The following RPH3A variants were observed in gnomAD, a reference collection of about 807,000 sequenced individuals.
RPH3A encodes rabphilin 3A.
A neutral mutation model predicts 102.2 loss-of-function variants in RPH3A; 48 were observed. The observed-to-expected ratio is 0.47, with a 90% CI of 0.37 to 0.60. The LOEUF is 0.60. Ranked by LOEUF, RPH3A falls within the 20% of genes least tolerant of loss-of-function variation. The probability of loss-of-function intolerance (pLI) is 0.00; values close to 1 mark genes in which losing one functional copy is unlikely to be tolerated. For synonymous variants in RPH3A, 310 were observed against 324.3 expected (o/e 0.96, Z 0.47); for missense variants, 781 against 910.1 (o/e 0.86, Z 1.83).
At chr12:112,717,244 T>C (rs958965133) in intron 1 of RPH3A, among the ~76,000 whole-genome samples, 13 of 152,190 alleles carry the variant, frequency 8.5e-5, no homozygotes, top group African/African-American at 3.1e-4. Context: ...GAATGCATAG[T>C]GACGTAACCA....
chr12:112,756,218 G>A (rs759683708), intron 1 of RPH3A, among the ~76,000 whole-genome samples: 5 of 151,382 alleles, frequency 3.3e-5, no homozygotes, highest in African/African-American at 9.7e-5. Context: ...CACACATCAC[G>A]CTTTTTTTTT....
At chr12:112,755,910 T>C (rs1565871150) in intron 1 of RPH3A, among the ~76,000 whole-genome samples, 1 of 152,202 alleles carries the variant, frequency 6.6e-6, no homozygotes, top group Non-Finnish European at 1.5e-5. Flanking sequence ...TAATATGTCA[T>C]GTAAATCTTT....
At chr12:112,609,540 G>C (rs1317897960) in intron 1 of RPH3A, among the ~76,000 whole-genome samples, 1 of 152,100 alleles carries the variant, frequency 6.6e-6, no homozygotes, top group African/African-American at 2.4e-5. Context: ...AGCCGTCCTG[G>C]ATTCCTTCCA....
At chr12:112,825,197 C>G (rs765216987) in intron 2 of RPH3A, among the ~76,000 whole-genome samples, 1 of 152,158 alleles carries the variant, frequency 6.6e-6, no homozygotes, top group South Asian at 2.1e-4. Context: ...GGAGCTGTCT[C>G]TCCTTTCTGT....
intron 1 of RPH3A, among the ~76,000 whole-genome samples, chr12:112,628,347 A>C (rs1334559074): frequency 6.6e-6 from 1 of 151,866 alleles, no homozygotes; most frequent in Non-Finnish European, 1.5e-5. Flanking sequence ...GTGGTGGAGC[A>C]AGTAAGGAGA....
Position 112,836,488 on chromosome 12 carries a change from C to A in RPH3A, c.72-3C>A. The A allele has an allele frequency of 7.5e-7, 1 of 1,335,376 alleles. No homozygotes were observed. Among genetic ancestry groups the A allele is most frequent in the Non-Finnish European group, 1.0e-6 (1 of 970,154 alleles). 82.7% of individuals were successfully genotyped at this position (1,335,376 alleles called of 1,614,324 possible). ...TTTCTCTCCTTTCTCTGCCTTCCTTCAGTGATAAAGAACAGTGAGTATTTT... is the reference window on the plus strand; with the variant it reads ...TTTCTCTCCTTTCTCTGCCTTCCTTAAGTGATAAAGAACAGTGAGTATTTT... On this transcript the variant is annotated splice_polypyrimidine_tract_variant and splice_region_variant and intron_variant, in intron 3 of 21. Coordinates refer to ENST00000389385, the MANE Select transcript of RPH3A (RefSeq NM_001143854.2).
intron 4 of RPH3A, among the ~76,000 whole-genome samples, chr12:112,841,706 G>GTTTT (rs150878418): frequency 1.5e-4 from 22 of 145,118 alleles, no homozygotes; most frequent in African/African-American, 5.2e-4. Context: ...TTGTTTTTTT[G>GTTTT]GTTTTTTTTT....
intron 1 of RPH3A, among the ~76,000 whole-genome samples, chr12:112,618,268 T>G (rs2039696338): frequency 6.6e-6 from 1 of 151,462 alleles, no homozygotes. Flanking sequence ...TGCAGGGGCT[T>G]CTTCTCCCTC....
At chr12:112,639,385 T>A (rs540827588) in intron 1 of RPH3A, among the ~76,000 whole-genome samples, 112 of 152,158 alleles carry the variant, frequency 7.4e-4, no homozygotes, top group African/African-American at 2.7e-3. Flanking sequence ...CCTTAGCAAC[T>A]AACACAGGAA....
intron 1 of RPH3A, among the ~76,000 whole-genome samples, chr12:112,734,669 A>T (rs2040656027): frequency 6.6e-6 from 1 of 152,140 alleles, no homozygotes; most frequent in African/African-American, 2.4e-5. Context: ...CAAGGGGTGG[A>T]TTATTCGTGA....
intron 3 of RPH3A, chr12:112,831,623 G>T: frequency 1.6e-5 from 4 of 255,998 alleles, no homozygotes; most frequent in East Asian, 1.2e-4. Flanking sequence ...CTGAATCTTG[G>T]TGCTTCTTGG....
chr12:112,723,413 A>C lies in RPH3A; in HGVS notation c.-139-68730A>C, dbSNP rs1477782797. Among the ~76,000 whole-genome samples, 3 of 152,252 alleles carry C rather than the reference A, an allele frequency of 2.0e-5. No individual in the cohort carries two copies. The East Asian group carries it at 5.8e-4, about 29-fold the overall frequency. On this transcript the variant is annotated intron_variant, in intron 1 of 21. Coordinates refer to the RPH3A transcript ENST00000543106. ...CTAGTACTATACTGTATTGATCTAT[A>C]CTGTAAGTTTACATAGTCTGTTTAC...
chr12:112,755,414 T>TA (rs1315116246), intron 1 of RPH3A, among the ~76,000 whole-genome samples: 3 of 152,156 alleles, frequency 2.0e-5, no homozygotes, highest in African/African-American at 7.2e-5. Flanking sequence ...CCTAATCCTT[T>TA]ACTCTCTGAT....
At chr12:112,732,808 T>A (rs547604788) in intron 1 of RPH3A, among the ~76,000 whole-genome samples, 1 of 152,308 alleles carries the variant, frequency 6.6e-6, no homozygotes, top group South Asian at 2.1e-4. Flanking sequence ...GGCTCTGCAG[T>A]TGACATAGTT....
intron 1 of RPH3A, among the ~76,000 whole-genome samples, chr12:112,751,120 A>T (rs1592979515): frequency 6.6e-6 from 1 of 152,226 alleles, no homozygotes; most frequent in Non-Finnish European, 1.5e-5. Context: ...CCAATGAATC[A>T]CTTTATTATT....
At chr12:112,798,576 G>A (rs936680420) in intron 2 of RPH3A, among the ~76,000 whole-genome samples, 8 of 152,124 alleles carry the variant, frequency 5.3e-5, no homozygotes, top group African/African-American at 1.7e-4. Context: ...CTCGAAGTTC[G>A]TTGGGAGGCT....
rs181279334 is a variant in RPH3A, at chr12:112,692,570, A to G, written c.-139-99573A>G. Among the ~76,000 whole-genome samples, 234 of 152,280 alleles carry G rather than the reference A, an allele frequency of 1.5e-3. 2 individuals are homozygous for G. Among genetic ancestry groups the G allele is most frequent in the African/African-American group, 5.3e-3 (222 of 41,544 alleles). On this transcript the variant is annotated intron_variant, in intron 1 of 21. Transcript: ENST00000543106. ...TTCAAGATTAAGAGACTTGCTTAAG[A>G]TCATGCACCGAGAAAGTGACAGAGC...
At chr12:112,773,340 T>G (rs1261247919) in intron 1 of RPH3A, among the ~76,000 whole-genome samples, 1 of 152,178 alleles carries the variant, frequency 6.6e-6, no homozygotes, top group African/African-American at 2.4e-5. Flanking sequence ...ACAGTGGATT[T>G]GGTTCCTTGG....
At chr12:112,659,116 A>G (rs11066373) in intron 1 of RPH3A, among the ~76,000 whole-genome samples, 1,984 of 152,248 alleles carry the variant, frequency 0.013, 56 homozygotes, top group African/African-American at 0.046. Flanking sequence ...GCTACCTCCT[A>G]CTGCCCCATC....
Sources: gnomAD v4.1 joint callset for allele counts (sites outside exome capture counted in the v4.1 genomes callset) on GRCh38, gnomAD v4.1.1 for gene constraint, MANE v1.5 for transcripts, NCBI Gene and HGNC (gene_info 2026-07-23, HGNC 2026-07-21) for gene names.